Variants in GRIP1 observed in about 807,000 individuals in gnomAD.
GRIP1 encodes glutamate receptor-interacting protein 1.
Under a neutral mutation model 129.9 loss-of-function variants are expected in GRIP1, and 45 were observed. That is an observed-to-expected ratio of 0.35 (90% CI 0.27 to 0.44). The LOEUF is 0.44. Ranked by LOEUF, GRIP1 falls within the 20% of genes least tolerant of loss-of-function variation. GRIP1 has a pLI of 1.00. For synonymous variants in GRIP1, 530 were observed against 520.8 expected (o/e 1.02, Z -0.24); for missense variants, 1,196 against 1,396.8 (o/e 0.86, Z 2.29).
At chr12:67,024,447 G>A (rs558246634) in intron 1 of GRIP1, among the ~76,000 whole-genome samples, 1 of 152,124 alleles carries the variant, frequency 6.6e-6, no homozygotes, top group Admixed American at 6.6e-5. Context: ...GAAAGTGAAG[G>A]AGAAAGAGGG....
At chr12:66,932,228 G>A (rs948752781) in intron 1 of GRIP1, among the ~76,000 whole-genome samples, 2 of 152,242 alleles carry the variant, frequency 1.3e-5, no homozygotes, top group Middle Eastern at 3.4e-3. Context: ...TCAGTTATGA[G>A]CTACAACCCC....
intron 1 of GRIP1, among the ~76,000 whole-genome samples, chr12:66,891,227 G>A (rs2040652390): frequency 6.6e-6 from 1 of 152,146 alleles, no homozygotes; most frequent in Non-Finnish European, 1.5e-5. Flanking sequence ...TGGAGATAAT[G>A]TCAAGAATGA....
chr12:66,783,099 T>G (rs946020563), intron 1 of GRIP1, among the ~76,000 whole-genome samples: 1 of 152,118 alleles, frequency 6.6e-6, no homozygotes, highest in African/African-American at 2.4e-5. Context: ...GGCACAATTT[T>G]GGCCCACTGC....
chr12:66,568,958 G>T (rs935349670), intron 2 of GRIP1: 1 of 518,538 alleles, frequency 1.9e-6, no homozygotes, highest in Non-Finnish European at 3.9e-6. Flanking sequence ...CAGGGACTAG[G>T]TTGATACACT....
intron 1 of GRIP1, among the ~76,000 whole-genome samples, chr12:66,915,509 C>CA (rs2041105970): frequency 6.6e-6 from 1 of 152,166 alleles, no homozygotes; most frequent in African/African-American, 2.4e-5. Flanking sequence ...TGGAATCACA[C>CA]AGAGTGTGTT....
At position 66,392,684 on chromosome 12, in the gene GRIP1, C is replaced by A; in HGVS notation, c.2262G>T (p.Gln754His). ...TTTCAATTCACTACTCACCATCTGT[C>A]TGTTTCTTAATTTTCAAGGTGACAG... ...GETVTLKIKK[Q>H]TDAQSASSPK... Residue 754 changes from glutamine (Q) to histidine (H), a missense_variant, in exon 18 of 25, where the codon CAG becomes CAT. Physicochemically the swap from Gln to His is conservative, Grantham distance 24. This residue lies in a region of GRIP1 where 427 missense variants were observed against 463.3 expected (regional missense o/e 0.92). Transcript: ENST00000359742. The A allele has an allele frequency of 1.1e-5, 17 of 1,614,096 alleles. No homozygotes were observed. Among genetic ancestry groups the A allele is most frequent in the Non-Finnish European group, 1.4e-5 (17 of 1,179,956 alleles).
intron 1 of GRIP1, among the ~76,000 whole-genome samples, chr12:66,721,384 C>T (rs1428721505): frequency 6.6e-6 from 1 of 152,132 alleles, no homozygotes; most frequent in Non-Finnish European, 1.5e-5. Flanking sequence ...AAGCAATTCT[C>T]ATGCCTCAGC....
intron 1 of GRIP1, among the ~76,000 whole-genome samples, chr12:66,937,251 C>T (rs1394175853): frequency 1.3e-5 from 2 of 152,114 alleles, no homozygotes; most frequent in Non-Finnish European, 2.9e-5. Flanking sequence ...TTAAACTCTA[C>T]CCCTGACACT....
intron 11 of GRIP1, among the ~76,000 whole-genome samples, chr12:66,454,752 G>T (rs1033055726): frequency 1.3e-5 from 2 of 152,078 alleles, no homozygotes; most frequent in Non-Finnish European, 2.9e-5. Flanking sequence ...GATGCTTATT[G>T]TAAAGCTGAG....
At chr12:67,007,014 A>G (rs2042636745) in intron 1 of GRIP1, among the ~76,000 whole-genome samples, 1 of 152,226 alleles carries the variant, frequency 6.6e-6, no homozygotes, top group African/African-American at 2.4e-5. Context: ...ATAACATAGG[A>G]TAATATACAT....
chr12:66,942,147 A>C (rs1259072736), intron 1 of GRIP1, among the ~76,000 whole-genome samples: 1 of 152,260 alleles, frequency 6.6e-6, no homozygotes, highest in Non-Finnish European at 1.5e-5. Context: ...TTTTCTGATA[A>C]GATAAATGCA....
intron 1 of GRIP1, among the ~76,000 whole-genome samples, chr12:66,753,390 G>A (rs1270475730): frequency 6.6e-6 from 1 of 152,136 alleles, no homozygotes; most frequent in Non-Finnish European, 1.5e-5. Context: ...CTGGGACATG[G>A]TAAAGTAACA....
At chr12:67,023,249 A>G (rs368744849) in intron 1 of GRIP1, among the ~76,000 whole-genome samples, 12 of 152,326 alleles carry the variant, frequency 7.9e-5, no homozygotes, top group African/African-American at 2.9e-4. Flanking sequence ...TTACAGAATT[A>G]TTACAGTTTT....
chr12:66,771,366 A>T (rs2136723876), intron 1 of GRIP1, among the ~76,000 whole-genome samples: 1 of 152,326 alleles, frequency 6.6e-6, no homozygotes, highest in South Asian at 2.1e-4. Context: ...TTAAATGTAT[A>T]TCTTGAGCCA....
At chr12:66,422,310 G>T (rs934537718) in intron 14 of GRIP1, among the ~76,000 whole-genome samples, 3 of 152,298 alleles carry the variant, frequency 2.0e-5, no homozygotes, top group Middle Eastern at 3.4e-3. Flanking sequence ...TTCCAGCAAA[G>T]AATGCAAAAC....
chr12:66,511,244 T>G (rs1433686214), intron 7 of GRIP1, among the ~76,000 whole-genome samples: 1 of 152,182 alleles, frequency 6.6e-6, no homozygotes, highest in African/African-American at 2.4e-5. Context: ...CCTTCTGCCA[T>G]GATTGTGAAG....
chr12:66,463,742 G>T (rs1182737990), intron 8 of GRIP1, among the ~76,000 whole-genome samples: 5 of 152,156 alleles, frequency 3.3e-5, no homozygotes, highest in Admixed American at 3.3e-4. Flanking sequence ...AAAGATGGGG[G>T]CAGGGAAGGG....
At chr12:66,398,653 G>A (rs573530771) in intron 16 of GRIP1, among the ~76,000 whole-genome samples, 1 of 151,984 alleles carries the variant, frequency 6.6e-6, no homozygotes, top group South Asian at 2.1e-4. Flanking sequence ...TTTCATTCTT[G>A]CTCTCAAACA....
At chr12:66,579,964 C>T (rs879709426) in intron 2 of GRIP1, among the ~76,000 whole-genome samples, 201 of 147,656 alleles carry the variant, frequency 1.4e-3, no homozygotes, top group Non-Finnish European at 2.4e-3. Context: ...GTCAGATTCA[C>T]CAAAGTTGAA....
Sources: gnomAD v4.1 joint callset for allele counts (sites outside exome capture counted in the v4.1 genomes callset) on GRCh38, gnomAD v4.1.1 for gene constraint, gnomAD v4.1.1 regional missense constraint, MANE v1.5 for transcripts, NCBI Gene and HGNC (gene_info 2026-07-23, HGNC 2026-07-21) for gene names.